Variants in TMEM38A observed in about 807,000 individuals in gnomAD.
TMEM38A encodes trimeric intracellular cation channel type A.
A neutral mutation model predicts 28.6 loss-of-function variants in TMEM38A; 17 were observed. The ratio of observed to expected loss-of-function variants is 0.60; its 90% CI spans 0.41 to 0.89. The LOEUF is 0.89. Ranked by LOEUF, TMEM38A falls within the 40% of genes least tolerant of loss-of-function variation. The pLI is 0.00. For missense variants in TMEM38A, 328 were observed against 393.1 expected (o/e 0.83, Z 1.40); for synonymous variants, 169 against 166.1 (o/e 1.02, Z -0.14).
At chr19:16,666,245 C>T (rs1285348559) in intron 1 of TMEM38A, among the ~76,000 whole-genome samples, 2 of 151,942 alleles carry the variant, frequency 1.3e-5, no homozygotes, top group South Asian at 2.1e-4. Context: ...TCCCAAAGTG[C>T]TGGGATTACA....
Position 16,661,195 on chromosome 19 carries a change from C to CGGCAGGCG in TMEM38A, c.-11_-4dup, listed in dbSNP as rs554669783. 0.016 allele frequency: 21,760 copies of CGGCAGGCG among 1,396,604 alleles called. 1,102 individuals are homozygous for CGGCAGGCG. In the African/African-American group the frequency reaches 0.17, roughly 11 times the overall value. 86.5% of individuals were successfully genotyped at this position (1,396,604 alleles called of 1,614,324 possible). ...CGAGGCCGGGGCCCCGGGTGGCACCCGGCAGGCGGGCAGGCGGGCGCCATG... is the reference window on the plus strand; with the variant it reads ...CGAGGCCGGGGCCCCGGGTGGCACCCGGCAGGCGGGCAGGCGGGCAGGCGGGCGCCATG... On this transcript the variant is annotated 5_prime_UTR_variant, in exon 1 of 6. Coordinates refer to ENST00000187762, the MANE Select transcript of TMEM38A (RefSeq NM_024074.4). This position sits in a 1 kb window ranked among gnomAD's most constrained non-coding sequence, Gnocchi z 6.5.
At chr19:16,674,775 C>T (rs1353572350) in intron 1 of TMEM38A, among the ~76,000 whole-genome samples, 1 of 151,690 alleles carries the variant, frequency 6.6e-6, no homozygotes, top group African/African-American at 2.4e-5. Context: ...CTCCAGCCTG[C>T]GCAACAAGAG....
At chr19:16,662,436 C>CTTTTTTTTTTTTTTTTTTTTTTTT (rs35226829) in intron 1 of TMEM38A, among the ~76,000 whole-genome samples, 19 of 75,864 alleles carry the variant, frequency 2.5e-4, no homozygotes, top group African/African-American at 3.8e-4. Context: ...TAAATGCACG[C>CTTTTTTTTTTTTTTTTTTTTTTTT]TTTTTTTTTT....
chr19:16,677,713 C>T (rs557426832), intron 1 of TMEM38A, among the ~76,000 whole-genome samples: 7 of 151,622 alleles, frequency 4.6e-5, no homozygotes, highest in Non-Finnish European at 7.4e-5. Context: ...CATGCCACCA[C>T]GCCCAGCTAA....
intron 4 of TMEM38A, 36 bp downstream of exon 4, chr19:16,682,544 C>T: frequency 6.3e-7 from 1 of 1,592,612 alleles, no homozygotes; most frequent in Non-Finnish European, 8.6e-7. Flanking sequence ...TCCATGCCTC[C>T]TGTATGTCCG....
At chr19:16,670,263 C>G (rs1025062258) in intron 1 of TMEM38A, among the ~76,000 whole-genome samples, 3 of 145,206 alleles carry the variant, frequency 2.1e-5, no homozygotes, top group Non-Finnish European at 3.0e-5. Context: ...CCACTGCGCC[C>G]GGCCTGTTTT....
At chr19:16,678,730 G>C (rs868203413) in intron 1 of TMEM38A, among the ~76,000 whole-genome samples, 3 of 138,364 alleles carry the variant, frequency 2.2e-5, no homozygotes, top group South Asian at 2.2e-4. Flanking sequence ...GCACCACTGC[G>C]CTCCAGGCTG....
intron 1 of TMEM38A, among the ~76,000 whole-genome samples, chr19:16,676,714 T>A (rs2122588724): frequency 6.6e-6 from 1 of 150,980 alleles, no homozygotes; most frequent in Non-Finnish European, 1.5e-5. Flanking sequence ...ATTTAGTGAA[T>A]AGACATTAAT....
rs142169134 is a variant in TMEM38A at position 16,674,933 on chromosome 19, G to A, written c.125-5051G>A. Among the ~76,000 whole-genome samples the A allele has an allele frequency of 2.9e-3, 446 of 152,260 alleles. 2 individuals carry two copies. The highest frequency in any genetic ancestry group is 0.01 in the African/African-American group (417 of 41,554). On this transcript the variant is annotated intron_variant, in intron 1 of 5. Transcript: ENST00000187762. ...CCATTCAGTGGCAGAGAAGGCCTCCGTGGTTGCTGAACTCACGGAGGGATG... is the reference window on the plus strand; with the variant it reads ...CCATTCAGTGGCAGAGAAGGCCTCCATGGTTGCTGAACTCACGGAGGGATG...
At chr19:16,687,116 G>C (rs963300732) in intron 5 of TMEM38A, among the ~76,000 whole-genome samples, 3 of 152,158 alleles carry the variant, frequency 2.0e-5, no homozygotes, top group Non-Finnish European at 4.4e-5. Context: ...CAGATCACTT[G>C]AGGCCAGGAG....
rs1008807090 is a variant in TMEM38A, at chr19:16,689,561, A to C, written c.*1190A>C. 2 of 152,180 alleles carry C rather than the reference A, an allele frequency of 1.3e-5. No individual in the cohort carries two copies. Among genetic ancestry groups the C allele is most frequent in the Non-Finnish European group, 2.9e-5 (2 of 68,058 alleles). The allele number at this position is 152,180 out of a possible 1,614,324, so 9.4% of individuals were successfully genotyped here. A position where few individuals can be genotyped will look rare whatever the true frequency, so the allele number is the denominator to read the frequency against. ...GGAAACAGCTGGTTGGGGTTCCACG[A>C]TCCAGCTCTATCAAGGGGCTCTGAG... On this transcript the variant is annotated 3_prime_UTR_variant, in exon 6 of 6. Transcript: ENST00000187762.
At chr19:16,679,348 A>C (rs935692849) in intron 1 of TMEM38A, among the ~76,000 whole-genome samples, 6 of 149,296 alleles carry the variant, frequency 4.0e-5, no homozygotes, top group African/African-American at 1.5e-4. Flanking sequence ...GCTGGAGTGC[A>C]GTGCAGTGGT....
intron 4 of TMEM38A, 80 bp from the exon 5 acceptor site, chr19:16,686,208 G>C: frequency 1.0e-6 from 1 of 993,410 alleles, no homozygotes; most frequent in South Asian, 1.4e-5. Context: ...CTGGTGCCAG[G>C]GCAGGGGGGT....
chr19:16,678,909 G>A (rs1295071092), intron 1 of TMEM38A, among the ~76,000 whole-genome samples: 2 of 151,946 alleles, frequency 1.3e-5, no homozygotes, highest in East Asian at 3.9e-4. Context: ...AGCACTTTGG[G>A]AGGCTGAGGT....
At chr19:16,679,616 C>A (rs1177970631) in intron 1 of TMEM38A, among the ~76,000 whole-genome samples, 5 of 151,996 alleles carry the variant, frequency 3.3e-5, no homozygotes, top group South Asian at 2.1e-4. Flanking sequence ...TCAAAGTACT[C>A]CCAGGTACAA....
At chr19:16,666,851 G>A (rs1264988925) in intron 1 of TMEM38A, among the ~76,000 whole-genome samples, 1 of 151,872 alleles carries the variant, frequency 6.6e-6, no homozygotes, top group East Asian at 1.9e-4. Flanking sequence ...TACTTGGGTG[G>A]CTGAGGAAGG....
Position 16,682,494 on chromosome 19 carries a change from C to T in TMEM38A, c.540C>T (p.Ile180=). 6.2e-7 allele frequency: 1 copy of T among 1,613,930 alleles called. No homozygotes were observed. Among genetic ancestry groups the T allele is most frequent in the Non-Finnish European group, 8.5e-7 (1 of 1,179,976 alleles). The change falls in exon 4 of 6, where the codon ATC becomes ATT. Residue 180 remains isoleucine, a synonymous_variant. Coordinates refer to ENST00000187762, the MANE Select transcript of TMEM38A (RefSeq NM_024074.4). ...RGVWKPETNE[I]LHMSFPTKAS... ...TCTGGAAGCCAGAGACCAACGAGATCCTGCACATGTCTTTGTGAGTATCCC... is the reference window on the plus strand; with the variant it reads ...TCTGGAAGCCAGAGACCAACGAGATTCTGCACATGTCTTTGTGAGTATCCC...
At chr19:16,675,953 G>A (rs533291216) in intron 1 of TMEM38A, among the ~76,000 whole-genome samples, 4 of 152,024 alleles carry the variant, frequency 2.6e-5, no homozygotes, top group African/African-American at 7.2e-5. Context: ...TTCAACATAC[G>A]AATTTTGGAG....
rs1599394214 is a variant in TMEM38A at position 16,688,463 on chromosome 19, C to T, written c.*92C>T. The T allele has an allele frequency of 1.9e-6, 2 of 1,052,862 alleles. No homozygotes were observed. The highest frequency in any genetic ancestry group is 2.5e-6 in the Non-Finnish European group (2 of 787,650). 65.2% of individuals were successfully genotyped at this position (1,052,862 alleles called of 1,614,324 possible). On this transcript the variant is annotated 3_prime_UTR_variant, in exon 6 of 6. Coordinates refer to ENST00000187762, the MANE Select transcript of TMEM38A (RefSeq NM_024074.4). Reference sequence around the variant, plus strand: ...GCGCTCAGATCTATCCTTTCCTGGCCTTGACTTCCCCATCTGCAAATCAGG... The same window carrying T: ...GCGCTCAGATCTATCCTTTCCTGGCTTTGACTTCCCCATCTGCAAATCAGG...
Sources: gnomAD v4.1 joint callset for allele counts (sites outside exome capture counted in the v4.1 genomes callset) on GRCh38, gnomAD v4.1.1 for gene constraint, Gnocchi (gnomAD v3.1) non-coding constraint, MANE v1.5 for transcripts, NCBI Gene and HGNC (gene_info 2026-07-23, HGNC 2026-07-21) for gene names.